Variants in CSGALNACT2 observed in about 807,000 individuals in gnomAD.
The protein encoded by CSGALNACT2 is chondroitin sulfate N-acetylgalactosaminyltransferase 2, also known as beta 4 GalNAcT-2.
A neutral mutation model predicts 55.3 loss-of-function variants in CSGALNACT2; 35 were observed. The observed-to-expected ratio is 0.63, with a 90% CI of 0.48 to 0.84. The LOEUF is 0.84. Among genes scored for constraint, CSGALNACT2 ranks in the 40% least tolerant of loss-of-function variants. The pLI, the probability that CSGALNACT2 is intolerant of heterozygous loss-of-function variation, is 0.00. For missense variants in CSGALNACT2, 544 were observed against 657.5 expected (o/e 0.83, Z 1.89); for synonymous variants, 196 against 224.9 (o/e 0.87, Z 1.15).
chr10:43,173,907 C>T (rs774774200), intron 6 of CSGALNACT2, among the ~76,000 whole-genome samples: 73 of 152,110 alleles, frequency 4.8e-4, no homozygotes, highest in Non-Finnish European at 9.6e-4. Context: ...GCACGGAAAT[C>T]GCTTGAACCT....
rs1173631453 is a variant in CSGALNACT2 at position 43,183,390 on chromosome 10, G to T, written c.1477G>T (p.Glu493Ter). 6.2e-7 allele frequency: 1 copy of T among 1,614,150 alleles called. No individual in the cohort carries two copies. Among genetic ancestry groups the T allele is most frequent in the Non-Finnish European group, 8.5e-7 (1 of 1,180,040 alleles). Reference protein sequence around the residue: ...HLWHEKRCADELTPEQYRMCI... With the variant: ...HLWHEKRCAD ...CTGGCATGAAAAGCGCTGTGCTGAT[G>T]AGCTGACCCCCGAGCAGTACCGCAT... Residue 493 changes from glutamate to a stop codon, truncating the protein, a stop_gained, in exon 8 of 8, where the codon GAG becomes TAG. Coordinates refer to ENST00000374466, the MANE Select transcript of CSGALNACT2 (RefSeq NM_018590.5). LOFTEE classifies it high-confidence loss of function.
chr10:43,165,867 A>G (rs1210912597), intron 5 of CSGALNACT2, among the ~76,000 whole-genome samples: 1 of 152,154 alleles, frequency 6.6e-6, no homozygotes, highest in Non-Finnish European at 1.5e-5. Context: ...CTGTAATCCC[A>G]GCTACTTGCG....
At position 43,155,622 on chromosome 10, in the gene CSGALNACT2, A is replaced by C. The variant is rs907082267; in HGVS notation, c.473A>C (p.Gln158Pro). The change falls in exon 2 of 8, where the codon CAA (glutamine) becomes CCA (proline). Residue 158 changes from glutamine to proline, a missense_variant. Coordinates refer to ENST00000374466, the MANE Select transcript of CSGALNACT2 (RefSeq NM_018590.5). Reference sequence around the variant, plus strand: ...AGTTTTACCTTAATGAAAGTATTTCAATTGGAAATGGGTCTCACTCGCCAT... The same window carrying C: ...AGTTTTACCTTAATGAAAGTATTTCCATTGGAAATGGGTCTCACTCGCCAT... ...FESFTLMKVF[Q>P]LEMGLTRHPE... is the part of the protein sequence containing the mutation. 4 of 1,614,206 alleles carry C rather than the reference A, an allele frequency of 2.5e-6. No individual in the cohort carries two copies. Among genetic ancestry groups the C allele is most frequent in the African/African-American group, 1.3e-5 (1 of 75,062 alleles).
chr10:43,169,080 G>A (rs1259830550), intron 6 of CSGALNACT2, among the ~76,000 whole-genome samples: 1 of 152,198 alleles, frequency 6.6e-6, no homozygotes, highest in Non-Finnish European at 1.5e-5. Context: ...CTCAGTCTAA[G>A]GCAGTGCATG....
At chr10:43,149,165 C>T (rs1414115528) in intron 1 of CSGALNACT2, among the ~76,000 whole-genome samples, 4 of 152,176 alleles carry the variant, frequency 2.6e-5, no homozygotes, top group Non-Finnish European at 5.9e-5. Flanking sequence ...TCACTGCAAC[C>T]TCCGCCTCCC....
At chr10:43,147,425 C>T (rs1838782027) in intron 1 of CSGALNACT2, among the ~76,000 whole-genome samples, 1 of 152,160 alleles carries the variant, frequency 6.6e-6, no homozygotes, top group Admixed American at 6.5e-5. Context: ...ATATTTTCTC[C>T]AGGTCCATCA....
chr10:43,143,802 AC>A (rs1202859698), intron 1 of CSGALNACT2, among the ~76,000 whole-genome samples: 12 of 152,136 alleles, frequency 7.9e-5, no homozygotes, highest in African/African-American at 2.9e-4. Context: ...ATTTGATATT[AC>A]TTGTCCTTGG....
chr10:43,175,311 C>T (rs1839457083), intron 6 of CSGALNACT2, among the ~76,000 whole-genome samples: 1 of 152,182 alleles, frequency 6.6e-6, no homozygotes, highest in Non-Finnish European at 1.5e-5. Flanking sequence ...GTTTGCTGAC[C>T]CTGCCCTACG....
chr10:43,145,001 G>A lies in CSGALNACT2; in HGVS notation c.-254+6434G>A, dbSNP rs568375515. Among the ~76,000 whole-genome samples, 6 of 152,236 alleles carry A rather than the reference G, an allele frequency of 3.9e-5. No homozygotes were observed. The South Asian group carries it at 1.2e-3, about 32-fold the overall frequency. On this transcript the variant is annotated intron_variant, in intron 1 of 7. Transcript: ENST00000374466. Reference sequence around the variant, plus strand: ...AGAGTTTATTCCTTTTTATTGCTAAGCAGTGTTCCATTGTGTATCTGTTTT... The same window carrying A: ...AGAGTTTATTCCTTTTTATTGCTAAACAGTGTTCCATTGTGTATCTGTTTT...
At chr10:43,141,527 T>C (rs948429019) in intron 1 of CSGALNACT2, among the ~76,000 whole-genome samples, 7 of 148,964 alleles carry the variant, frequency 4.7e-5, no homozygotes, top group Non-Finnish European at 7.4e-5. Flanking sequence ...AAATCATTTT[T>C]AAAATTAGCA....
At chr10:43,179,270 G>T (rs115916347) in intron 7 of CSGALNACT2, among the ~76,000 whole-genome samples, 3 of 145,482 alleles carry the variant, frequency 2.1e-5, no homozygotes, top group African/African-American at 7.6e-5. Context: ...TTTTTTAAGC[G>T]TATGTCACAT....
chr10:43,166,680 G>A (rs942135099), intron 5 of CSGALNACT2, among the ~76,000 whole-genome samples: 4 of 152,244 alleles, frequency 2.6e-5, no homozygotes, highest in East Asian at 1.9e-4. Context: ...GTTAATCTAC[G>A]TTTATTACTA....
At chr10:43,159,014 C>T in intron 3 of CSGALNACT2, 83 bp downstream of exon 3, 4 of 752,974 alleles carry the variant, frequency 5.3e-6, no homozygotes, top group South Asian at 5.0e-5. Context: ...TTATCTTCAC[C>T]GATTATAATT....
chr10:43,167,953 A>G (rs1839300995), intron 6 of CSGALNACT2, among the ~76,000 whole-genome samples: 1 of 149,822 alleles, frequency 6.7e-6, no homozygotes, highest in African/African-American at 2.5e-5. Context: ...TGAGAAATAT[A>G]GAAGCTTATG....
chr10:43,167,669 A>G (rs1003324265), intron 6 of CSGALNACT2, among the ~76,000 whole-genome samples: 2 of 152,174 alleles, frequency 1.3e-5, no homozygotes, highest in Admixed American at 1.3e-4. Context: ...TAATGCTAAC[A>G]TCTTATGTAA....
chr10:43,146,622 C>A (rs957258235), intron 1 of CSGALNACT2, among the ~76,000 whole-genome samples: 5 of 152,018 alleles, frequency 3.3e-5, no homozygotes, highest in African/African-American at 1.2e-4. Flanking sequence ...CCCAGATACT[C>A]GGGAAGCTGA....
At chr10:43,156,459 C>G (rs1839011592) in intron 2 of CSGALNACT2, among the ~76,000 whole-genome samples, 1 of 152,208 alleles carries the variant, frequency 6.6e-6, no homozygotes, top group Non-Finnish European at 1.5e-5. Flanking sequence ...TAGATCCCTA[C>G]CCATCTCCTT....
At chr10:43,177,585 C>T (rs1451362380) in intron 7 of CSGALNACT2, among the ~76,000 whole-genome samples, 2 of 152,216 alleles carry the variant, frequency 1.3e-5, no homozygotes, top group Non-Finnish European at 2.9e-5. Context: ...CATGTTGTGA[C>T]ATGTTAGGTA....
chr10:43,158,026 T>TAAAA (rs770700775), intron 2 of CSGALNACT2, among the ~76,000 whole-genome samples: 1 of 99,430 alleles, frequency 1.0e-5, no homozygotes, highest in South Asian at 3.1e-4. Flanking sequence ...AGACTCCGTC[T>TAAAA]AAAAAAAAAA....
Sources: allele counts gnomAD v4.1 joint callset (sites outside exome capture counted in the v4.1 genomes callset), GRCh38; gene constraint gnomAD v4.1.1; transcripts MANE v1.5; gene names NCBI Gene and HGNC (gene_info 2026-07-23, HGNC 2026-07-21).